Variants in AMPH observed in about 807,000 individuals in gnomAD.
AMPH encodes amphiphysin (Stiff-Mann syndrome with breast cancer 128kD autoantigen).
AMPH carries 49 observed loss-of-function variants against 99.1 expected under a neutral mutation model. The observed-to-expected ratio is 0.49, with a 90% confidence interval of 0.39 to 0.63. The LOEUF (loss-of-function observed/expected upper bound fraction) is 0.63. AMPH is among the 20% of genes least tolerant of loss of function. The probability of loss-of-function intolerance (pLI) is 0.00; values close to 1 mark genes in which losing one functional copy is unlikely to be tolerated. For synonymous variants in AMPH, 314 were observed against 317.3 expected, an observed-to-expected ratio of 0.99 and a Z score of 0.11; for missense variants, 759 against 863.4, an observed-to-expected ratio of 0.88 and a Z score of 1.52.
At chr7:38,407,021 C>CTCTCT (rs1785032263) in intron 17 of AMPH, among the ~76,000 whole-genome samples, 4 of 3,710 alleles carry the variant, frequency 1.1e-3, no homozygotes, top group African/African-American at 3.3e-3. Context: ...CTAATAGACT[C>CTCTCT]CTCTCTCTCT....
chr7:38,568,293 G>A lies in AMPH; in HGVS notation c.70-33282C>T, dbSNP rs188258552. On this transcript the variant is annotated intron_variant, in intron 1 of 20. Coordinates refer to ENST00000356264, the MANE Select transcript of AMPH (RefSeq NM_001635.4). ...ATCTTGGCTAAAATGGTGAAACCCC[G>A]TCTCTACTAAAAATACAAAAAATTA... Among the ~76,000 whole-genome samples the A allele has an allele frequency of 6.4e-3, 979 of 152,186 alleles. 11 individuals carry two copies. The highest frequency in any genetic ancestry group is 0.022 in the African/African-American group (904 of 41,528).
intron 1 of AMPH, among the ~76,000 whole-genome samples, chr7:38,576,411 C>G (rs573684031): frequency 2.6e-4 from 40 of 152,244 alleles, no homozygotes; most frequent in African/African-American, 9.6e-4. Flanking sequence ...AGATACTAAA[C>G]TATGGCAATT....
chr7:38,429,784 T>G, intron 14 of AMPH, 58 bp downstream of exon 14: 3 of 1,497,296 alleles, frequency 2.0e-6, no homozygotes, highest in Non-Finnish European at 2.8e-6. Context: ...AAATATACTA[T>G]GTATGTAATG....
chr7:38,513,437 A>G (rs893325022), intron 2 of AMPH, among the ~76,000 whole-genome samples: 1 of 152,184 alleles, frequency 6.6e-6, no homozygotes, highest in Admixed American at 6.5e-5. Context: ...AAGGTATAGA[A>G]ATCATTTCTT....
rs960266168 is a variant in AMPH at position 38,534,387 on chromosome 7, C to T, written c.150+544G>A. Among the ~76,000 whole-genome samples the T allele has an allele frequency of 5.3e-5, 8 of 152,134 alleles. 1 individual carries two copies. Among genetic ancestry groups the T allele is most frequent in the Admixed American group, 1.3e-4 (2 of 15,278 alleles). On this transcript the variant is annotated intron_variant, in intron 2 of 20. Transcript: ENST00000356264. ...GATCCGTCATCTGTATTACAGTGGT[C>T]GGAGACCGGGCCTGGTAGCTCACAC...
intron 12 of AMPH, among the ~76,000 whole-genome samples, chr7:38,432,587 TACACACACACACACACACACAC>T (rs10556315): frequency 6.8e-6 from 1 of 148,064 alleles, no homozygotes; most frequent in African/African-American, 2.5e-5. Context: ...GTTATTTTAA[TACACACACACACACACACACAC>T]ACACACACAC....
At chr7:38,553,614 T>G (rs745438427) in intron 1 of AMPH, among the ~76,000 whole-genome samples, 44 of 152,218 alleles carry the variant, frequency 2.9e-4, no homozygotes, top group Admixed American at 1.1e-3. Context: ...AAAACAAGCC[T>G]GCACCCAAGG....
chr7:38,444,383 A>C (rs1314214453), intron 11 of AMPH, among the ~76,000 whole-genome samples: 3 of 152,152 alleles, frequency 2.0e-5, no homozygotes, highest in Admixed American at 2.0e-4. Context: ...AATAAAATAA[A>C]GATTTTGATT....
chr7:38,444,852 G>A (rs112340511), intron 11 of AMPH, among the ~76,000 whole-genome samples: 9 of 151,726 alleles, frequency 5.9e-5, no homozygotes, highest in African/African-American at 1.9e-4. Context: ...AAAGAACAAA[G>A]TTGAAAGACT....
rs147798462 is a variant in AMPH, at chr7:38,443,590, A to G, written c.1018-7202T>C. Among the ~76,000 whole-genome samples the G allele has an allele frequency of 2.1e-3, 315 of 152,292 alleles. 2 individuals are homozygous for G. Among genetic ancestry groups the G allele is most frequent in the African/African-American group, 7.3e-3 (305 of 41,572 alleles). ...ATAATTCACCATATTAACAAACTAT[A>G]AAGAAAACTCATATGATCATCTTAA... On this transcript the variant is annotated intron_variant, in intron 11 of 20. Transcript: ENST00000356264.
At chr7:38,590,313 C>T (rs547327577) in intron 1 of AMPH, among the ~76,000 whole-genome samples, 36 of 152,248 alleles carry the variant, frequency 2.4e-4, no homozygotes, top group African/African-American at 7.9e-4. Flanking sequence ...ACGGATGCCT[C>T]GCTGGATCAG....
chr7:38,403,420 A>C (rs1784896836), intron 17 of AMPH, among the ~76,000 whole-genome samples: 1 of 152,234 alleles, frequency 6.6e-6, no homozygotes, highest in Non-Finnish European at 1.5e-5. Flanking sequence ...ACAGAGCAGC[A>C]GTGGCCAGCT....
At chr7:38,595,082 T>C (rs1793003371) in intron 1 of AMPH, among the ~76,000 whole-genome samples, 1 of 152,174 alleles carries the variant, frequency 6.6e-6, no homozygotes, top group South Asian at 2.1e-4. Flanking sequence ...AGTCTGCTAA[T>C]GGCCAGGGCT....
intron 1 of AMPH, among the ~76,000 whole-genome samples, chr7:38,538,262 C>T (rs943563092): frequency 4.6e-5 from 7 of 152,144 alleles, no homozygotes; most frequent in African/African-American, 1.7e-4. Flanking sequence ...TTACATTAGG[C>T]ATTTTCCCTA....
chr7:38,567,373 C>G (rs906809980), intron 1 of AMPH, among the ~76,000 whole-genome samples: 1 of 152,076 alleles, frequency 6.6e-6, no homozygotes, highest in Non-Finnish European at 1.5e-5. Context: ...GAACATCACA[C>G]AGCAGGGCCT....
rs928812322 is a variant in AMPH at position 38,490,802 on chromosome 7, G to T, written c.396+248C>A. ...CTGGTTTATGATTTTATATCTATAGGTTTAAAAAGACTTCTGTAGAATAAT... is the reference window on the plus strand; with the variant it reads ...CTGGTTTATGATTTTATATCTATAGTTTTAAAAAGACTTCTGTAGAATAAT... On this transcript the variant is annotated intron_variant, in intron 5 of 20. Transcript: ENST00000356264. Among the ~76,000 whole-genome samples, 9 of 152,182 alleles carry T rather than the reference G, an allele frequency of 5.9e-5. No homozygotes were observed. In the East Asian group the frequency reaches 1.5e-3, roughly 26 times the overall value.
At chr7:38,575,051 TAAAAAAAAAAAA>T (rs3056279) in intron 1 of AMPH, among the ~76,000 whole-genome samples, 78 of 105,294 alleles carry the variant, frequency 7.4e-4, no homozygotes. Context: ...AGACTCTGTC[TAAAAAAAAAAAA>T]AAAAAAAAAA....
At chr7:38,614,868 G>T (rs1207305804) in intron 1 of AMPH, among the ~76,000 whole-genome samples, 1 of 152,048 alleles carries the variant, frequency 6.6e-6, no homozygotes, top group Non-Finnish European at 1.5e-5. Context: ...ACATCAGTTT[G>T]CCCCACTTTA....
intron 1 of AMPH, among the ~76,000 whole-genome samples, chr7:38,594,055 G>A (rs909680929): frequency 5.3e-5 from 8 of 152,284 alleles, no homozygotes; most frequent in Middle Eastern, 3.4e-3. Context: ...GCTGGTGGTC[G>A]TGTGGAGTAA....
Sources: allele counts gnomAD v4.1 joint callset (sites outside exome capture counted in the v4.1 genomes callset), GRCh38; gene constraint gnomAD v4.1.1; transcripts MANE v1.5; gene names NCBI Gene and HGNC (gene_info 2026-07-23, HGNC 2026-07-21).